Variants in EIPR1 observed in about 807,000 individuals in gnomAD.
EIPR1 encodes the protein EARP and GARP complex-interacting protein 1.
A neutral mutation model predicts 48.1 loss-of-function variants in EIPR1; 25 were observed. The observed-to-expected ratio is 0.52, with a 90% CI of 0.38 to 0.73. The LOEUF (loss-of-function observed/expected upper bound fraction) is 0.73, where lower values mean the gene tolerates loss of function less well. Among genes scored for constraint, EIPR1 ranks in the 30% least tolerant of loss-of-function variants. The probability of loss-of-function intolerance (pLI) is 0.00; values close to 1 mark genes in which losing one functional copy is unlikely to be tolerated. For synonymous variants in EIPR1, 204 were observed against 201.9 expected (o/e 1.01, Z -0.09); for missense variants, 415 against 506.2 (o/e 0.82, Z 1.73).
chr2:3,323,359 C>A (rs988565361), intron 3 of EIPR1, among the ~76,000 whole-genome samples: 2 of 152,220 alleles, frequency 1.3e-5, no homozygotes, highest in African/African-American at 4.8e-5. Context: ...GAACTGCCCC[C>A]AGTATCCCCG....
At chr2:3,288,902 A>G (rs978903960) in intron 3 of EIPR1, among the ~76,000 whole-genome samples, 1 of 152,218 alleles carries the variant, frequency 6.6e-6, no homozygotes, top group Non-Finnish European at 1.5e-5. Context: ...GGCAACGCCC[A>G]CAGGCCCCAG....
intron 3 of EIPR1, among the ~76,000 whole-genome samples, chr2:3,301,944 A>C (rs373670916): frequency 3.0e-4 from 46 of 152,346 alleles, no homozygotes; most frequent in African/African-American, 1.0e-3. Flanking sequence ...AAGGCGGAGC[A>C]GCGCATCAGT....
intron 3 of EIPR1, chr2:3,282,327 C>T (rs1030631271): frequency 2.0e-5 from 3 of 152,180 alleles, no homozygotes; most frequent in Admixed American, 2.0e-4. Context: ...CATGCTTTTA[C>T]CCTCAGACCA....
At position 3,312,502 on chromosome 2, in the gene EIPR1, C is replaced by T. The variant is rs1452961948; in HGVS notation, c.259+25515G>A. Among the ~76,000 whole-genome samples, 1 of 152,186 alleles carries T rather than the reference C, an allele frequency of 6.6e-6. No homozygotes were observed. The highest frequency in any genetic ancestry group is 2.4e-5 in the African/African-American group (1 of 41,436). ...AAATACACCCTGTCCAATATTCCAT[C>T]TCCAGGTTCCCATGGTCCTCCCAAG... On this transcript the variant is annotated intron_variant, in intron 3 of 8. Coordinates refer to ENST00000382125, the MANE Select transcript of EIPR1 (RefSeq NM_003310.5). The surrounding 1 kb of genome is among the most constrained non-coding windows in gnomAD (Gnocchi z 5.5).
At chr2:3,300,095 T>C (rs1668723244) in intron 3 of EIPR1, among the ~76,000 whole-genome samples, 2 of 152,176 alleles carry the variant, frequency 1.3e-5, no homozygotes, top group Non-Finnish European at 2.9e-5. Context: ...GAAACTGCCA[T>C]TCTTATAGGT....
chr2:3,193,941 A>G (rs900689049), intron 7 of EIPR1, 58 bp downstream of exon 7: 2 of 1,584,050 alleles, frequency 1.3e-6, no homozygotes, highest in Middle Eastern at 4.4e-4. Context: ...TGGTAAAGTA[A>G]TTAGCAAAAT....
intron 4 of EIPR1, among the ~76,000 whole-genome samples, chr2:3,250,763 A>G (rs1051626485): frequency 6.6e-6 from 1 of 152,154 alleles, no homozygotes; most frequent in African/African-American, 2.4e-5. Flanking sequence ...TCGCTCAGTT[A>G]GTTCCCACAA....
At chr2:3,352,969 C>G (rs1245342225) in intron 2 of EIPR1, among the ~76,000 whole-genome samples, 1 of 152,210 alleles carries the variant, frequency 6.6e-6, no homozygotes, top group Non-Finnish European at 1.5e-5. Flanking sequence ...TGCACTCTAG[C>G]CTGGGCAACA....
At chr2:3,231,951 A>G (rs888948627) in intron 4 of EIPR1, among the ~76,000 whole-genome samples, 14 of 152,218 alleles carry the variant, frequency 9.2e-5, no homozygotes, top group African/African-American at 3.4e-4. Context: ...TCAGCAGTGA[A>G]GTCATCAGGT....
intron 2 of EIPR1, among the ~76,000 whole-genome samples, chr2:3,350,108 ACT>A (rs1170394199): frequency 8.8e-6 from 1 of 113,338 alleles, no homozygotes; most frequent in Non-Finnish European, 1.8e-5. Context: ...AGAGAGTAAG[ACT>A]CTGTCTCAAA....
intron 3 of EIPR1, chr2:3,319,010 A>T (rs1033985752): frequency 4.3e-6 from 2 of 467,380 alleles, no homozygotes; most frequent in East Asian, 1.4e-4. Context: ...CAGCAACAAA[A>T]TAGTTGGGTC....
At chr2:3,280,474 C>T (rs956436900) in intron 3 of EIPR1, among the ~76,000 whole-genome samples, 2 of 152,176 alleles carry the variant, frequency 1.3e-5, no homozygotes, top group Non-Finnish European at 2.9e-5. Flanking sequence ...AGACTGGCCC[C>T]GCCTCTCTGC....
At chr2:3,240,880 A>C (rs62119040) in intron 4 of EIPR1, among the ~76,000 whole-genome samples, 24,914 of 36,644 alleles carry the variant, frequency 0.68, 10,156 homozygotes, top group East Asian at 0.87. Flanking sequence ...GCAAAGCCAG[A>C]AGATCCTTCC....
Position 3,330,871 on chromosome 2 carries a change from G to A in EIPR1, c.259+7146C>T, listed in dbSNP as rs141067663. ...AGACAGGTGCACACACTCATGAGACGGTGTAAGCAGAGACAGGTGCACACA... is the reference window on the plus strand; with the variant it reads ...AGACAGGTGCACACACTCATGAGACAGTGTAAGCAGAGACAGGTGCACACA... On this transcript the variant is annotated intron_variant, in intron 3 of 8. Transcript: ENST00000382125. Among the ~76,000 whole-genome samples, 1,079 of 145,662 alleles carry A rather than the reference G, an allele frequency of 7.4e-3. 14 individuals are homozygous for A. Among genetic ancestry groups the A allele is most frequent in the African/African-American group, 0.027 (1,034 of 38,190 alleles).
At chr2:3,345,969 C>T (rs527614496) in intron 2 of EIPR1, among the ~76,000 whole-genome samples, 15 of 152,332 alleles carry the variant, frequency 9.8e-5, no homozygotes, top group South Asian at 2.1e-4. Flanking sequence ...CCACCACCAC[C>T]GTGCCAGAGA....
chr2:3,374,176 A>T (rs1035462604), intron 1 of EIPR1, among the ~76,000 whole-genome samples: 6 of 151,820 alleles, frequency 4.0e-5, no homozygotes, highest in Non-Finnish European at 7.4e-5. Context: ...GGCTAGCCAT[A>T]TGTAGAAAGC....
chr2:3,368,980 A>G (rs1196483408), intron 1 of EIPR1, among the ~76,000 whole-genome samples: 2 of 152,076 alleles, frequency 1.3e-5, no homozygotes, highest in Non-Finnish European at 2.9e-5. Context: ...TCAGATCTCT[A>G]TCCTTTCATG....
intron 3 of EIPR1, among the ~76,000 whole-genome samples, chr2:3,297,518 T>C (rs1668638795): frequency 3.9e-5 from 6 of 152,270 alleles, no homozygotes; most frequent in Admixed American, 3.9e-4. Flanking sequence ...TACGAGGTTC[T>C]ACCTCCCAGT....
At chr2:3,268,235 C>T (rs998357955) in intron 3 of EIPR1, among the ~76,000 whole-genome samples, 4 of 152,228 alleles carry the variant, frequency 2.6e-5, no homozygotes, top group African/African-American at 7.2e-5. Flanking sequence ...GCGCCAGCAT[C>T]CTGGTTCCCT....
Sources: allele counts gnomAD v4.1 joint callset (sites outside exome capture counted in the v4.1 genomes callset), GRCh38; gene constraint gnomAD v4.1.1; non-coding constraint Gnocchi (gnomAD v3.1); transcripts MANE v1.5; gene names NCBI Gene and HGNC (gene_info 2026-07-23, HGNC 2026-07-21).